The following IRF2 variants were observed in gnomAD, a reference collection of about 807,000 sequenced individuals.
IRF2 encodes the protein interferon regulatory factor 2.
IRF2 carries 15 observed loss-of-function variants against 40.6 expected under a neutral mutation model. The observed-to-expected ratio is 0.37, with a 90% CI of 0.25 to 0.57. IRF2 has a LOEUF of 0.57. Ranked by LOEUF, IRF2 falls within the 20% of genes least tolerant of loss-of-function variation. The pLI is 0.77. For synonymous variants in IRF2, 151 were observed against 165.5 expected (o/e 0.91, Z 0.67); for missense variants, 317 against 455.7 (o/e 0.70, Z 2.77).
Position 184,418,226 on chromosome 4 carries a change from A to C in IRF2, c.365-13T>G. 1 of 1,609,572 alleles carries C rather than the reference A, an allele frequency of 6.2e-7. No individual in the cohort carries two copies. The highest frequency in any genetic ancestry group is 1.1e-5 in the South Asian group (1 of 90,996). On this transcript the variant is annotated splice_polypyrimidine_tract_variant and intron_variant, in intron 4 of 8. Coordinates refer to ENST00000393593, the MANE Select transcript of IRF2 (RefSeq NM_002199.4). The stretch of plus-strand genomic sequence containing the variant: ...TTTGGTTTCTTTCCTGTGGCAACAA[A>C]AATGTAGTTTTGGATTAATTCACGA...
chr4:184,443,052 T>A (rs1561116728), intron 1 of IRF2, among the ~76,000 whole-genome samples: 2 of 152,038 alleles, frequency 1.3e-5, no homozygotes, highest in African/African-American at 2.4e-5. Flanking sequence ...CAGCCTCCTG[T>A]GTAGCTGGGA....
chr4:184,414,636 C>T (rs537097685), intron 5 of IRF2, among the ~76,000 whole-genome samples: 115 of 152,346 alleles, frequency 7.5e-4, no homozygotes, highest in Middle Eastern at 3.4e-3. Flanking sequence ...ATGCTGAGGC[C>T]GTTTCTGCAC....
chr4:184,444,550 G>C (rs925560951), intron 1 of IRF2, among the ~76,000 whole-genome samples: 24 of 152,216 alleles, frequency 1.6e-4, no homozygotes, highest in African/African-American at 5.3e-4. Flanking sequence ...AGTTTCTGCA[G>C]ACACAAATTT....
rs539300226 is a variant in IRF2, at chr4:184,437,756, A to T, written c.-6-8686T>A. On this transcript the variant is annotated intron_variant, in intron 1 of 8. Coordinates refer to ENST00000393593, the MANE Select transcript of IRF2 (RefSeq NM_002199.4). The stretch of plus-strand genomic sequence containing the variant: ...AGTTTCACGAGTCATGCAGCACTCT[A>T]TACAGAGCCAAATGGAGGGAAGGAG... Among the ~76,000 whole-genome samples, 44 of 151,142 alleles carry T rather than the reference A, an allele frequency of 2.9e-4. No individual in the cohort carries two copies. In the East Asian group the frequency reaches 8.2e-3, roughly 28 times the overall value.
chr4:184,436,776 G>A (rs1429622463), intron 1 of IRF2, among the ~76,000 whole-genome samples: 1 of 152,212 alleles, frequency 6.6e-6, no homozygotes, highest in African/African-American at 2.4e-5. Flanking sequence ...CAACAGGGGT[G>A]TCTTCATAAG....
chr4:184,421,253 T>C (rs1344773476), intron 2 of IRF2, among the ~76,000 whole-genome samples: 1 of 152,152 alleles, frequency 6.6e-6, no homozygotes, highest in African/African-American at 2.4e-5. Context: ...ATTGGAGAGT[T>C]TCCCAAAACC....
chr4:184,399,174 G>A lies in IRF2; in HGVS notation c.530-95C>T, dbSNP rs148252735. On this transcript the variant is annotated intron_variant, in intron 6 of 8. Coordinates refer to ENST00000393593, the MANE Select transcript of IRF2 (RefSeq NM_002199.4). ...GAGTCTTCCCCAAAAGAGCCAGGTC[G>A]CCAGGCTCCCATCACCATCTGTCCC... 1.2e-4 allele frequency: 154 copies of A among 1,304,720 alleles called. 1 individual carries two copies. The South Asian group carries it at 1.6e-3, about 14-fold the overall frequency. 80.8% of individuals were successfully genotyped at this position (1,304,720 alleles called of 1,614,324 possible). A position where few individuals can be genotyped will look rare whatever the true frequency, so the allele number is the denominator to read the frequency against.
intron 1 of IRF2, chr4:184,449,019 G>GCA (rs1738617226): frequency 6.6e-6 from 1 of 152,336 alleles, no homozygotes; most frequent in South Asian, 2.1e-4. Context: ...CCGGAGAAGA[G>GCA]CACACAGCAC....
At chr4:184,444,583 C>T (rs189395998) in intron 1 of IRF2, among the ~76,000 whole-genome samples, 13 of 152,276 alleles carry the variant, frequency 8.5e-5, no homozygotes, top group Middle Eastern at 3.4e-3. Context: ...GTTCAAAGAG[C>T]ATTATTTATA....
At chr4:184,422,247 C>A (rs1304619723) in intron 2 of IRF2, among the ~76,000 whole-genome samples, 1 of 152,126 alleles carries the variant, frequency 6.6e-6, no homozygotes, top group African/African-American at 2.4e-5. Flanking sequence ...AACAGACTAA[C>A]CCACAGACAT....
At chr4:184,402,587 G>T (rs1736705757) in intron 6 of IRF2, among the ~76,000 whole-genome samples, 1 of 152,112 alleles carries the variant, frequency 6.6e-6, no homozygotes, top group Non-Finnish European at 1.5e-5. Context: ...GGCGCTCAGG[G>T]ACTCTCCCCT....
intron 4 of IRF2, 53 bp from the exon 5 acceptor site, chr4:184,418,266 A>C: frequency 2.2e-6 from 3 of 1,337,022 alleles, no homozygotes; most frequent in Non-Finnish European, 3.2e-6. Flanking sequence ...CCTCCAGAGA[A>C]ACATTTCCCT....
intron 5 of IRF2, among the ~76,000 whole-genome samples, chr4:184,410,832 C>T (rs546071394): frequency 1.3e-5 from 2 of 152,186 alleles, no homozygotes; most frequent in African/African-American, 2.4e-5. Flanking sequence ...TAATTAGTGA[C>T]AAGTGATACT....
At chr4:184,393,335 C>T (rs932899917) in intron 7 of IRF2, among the ~76,000 whole-genome samples, 2 of 152,242 alleles carry the variant, frequency 1.3e-5, no homozygotes, top group Non-Finnish European at 2.9e-5. Context: ...CAAAGCCAAG[C>T]TTTCTCTTCC....
intron 1 of IRF2, among the ~76,000 whole-genome samples, chr4:184,454,832 G>A (rs749846760): frequency 6.6e-6 from 1 of 152,174 alleles, no homozygotes; most frequent in Non-Finnish European, 1.5e-5. Context: ...CAGAGCTACC[G>A]TGAGAAGAAA....
At chr4:184,469,365 G>C (rs139810444) in intron 1 of IRF2, among the ~76,000 whole-genome samples, 157 of 152,324 alleles carry the variant, frequency 1.0e-3, no homozygotes, top group Non-Finnish European at 1.9e-3. Context: ...GAAGTCATAT[G>C]TGTTTCTGAG....
chr4:184,436,481 TA>T (rs1738083234), intron 1 of IRF2, among the ~76,000 whole-genome samples: 1 of 152,156 alleles, frequency 6.6e-6, no homozygotes, highest in Non-Finnish European at 1.5e-5. Flanking sequence ...ATTATAATAA[TA>T]AAAGACTATG....
intron 1 of IRF2, among the ~76,000 whole-genome samples, chr4:184,470,689 C>CAA (rs70959201): frequency 4.5e-5 from 1 of 22,028 alleles, no homozygotes; most frequent in African/African-American, 1.2e-4. Flanking sequence ...GACTCTGCCT[C>CAA]AAAAAAAAAA....
At position 184,429,385 on chromosome 4, in the gene IRF2, G is replaced by A. The variant is rs901785899; in HGVS notation, c.-6-315C>T. 7.2e-5 allele frequency among the ~76,000 whole-genome samples: 11 copies of A among 152,184 alleles called. 1 individual carries two copies. The highest frequency in any genetic ancestry group is 7.2e-4 in the Admixed American group (11 of 15,290). The stretch of plus-strand genomic sequence containing the variant: ...AGGGAGGCTTTATCCCCACTGCACT[G>A]GCCGTGTTTTGAGGCTTCCGTTGCT... On this transcript the variant is annotated intron_variant, in intron 1 of 8. Coordinates refer to ENST00000393593, the MANE Select transcript of IRF2 (RefSeq NM_002199.4).
Sources: gnomAD v4.1 joint callset for allele counts (sites outside exome capture counted in the v4.1 genomes callset) on GRCh38, gnomAD v4.1.1 for gene constraint, MANE v1.5 for transcripts, NCBI Gene and HGNC (gene_info 2026-07-23, HGNC 2026-07-21) for gene names.